The following SPAG9 variants were observed in gnomAD, a reference collection of about 807,000 sequenced individuals.
SPAG9 encodes C-Jun-amino-terminal kinase-interacting protein 4.
SPAG9 carries 35 observed loss-of-function variants against 166.5 expected under a neutral mutation model. The observed-to-expected ratio is 0.21, with a 90% CI of 0.16 to 0.28. The LOEUF (loss-of-function observed/expected upper bound fraction) is 0.28, where lower values mean the gene tolerates loss of function less well. Ranked by LOEUF, SPAG9 falls within the 10% of genes least tolerant of loss-of-function variation. The probability of loss-of-function intolerance (pLI) is 1.00; values close to 1 mark genes in which losing one functional copy is unlikely to be tolerated. For synonymous variants in SPAG9, 534 were observed against 565.5 expected (o/e 0.94, Z 0.79); for missense variants, 1,235 against 1,603.3 (o/e 0.77, Z 3.92).
intron 19 of SPAG9, among the ~76,000 whole-genome samples, chr17:50,993,562 G>A (rs1466685801): frequency 6.6e-6 from 1 of 152,024 alleles, no homozygotes; most frequent in African/African-American, 2.4e-5. Flanking sequence ...TATTCCCATT[G>A]TTTTATTTTC....
At chr17:51,086,179 T>A (rs1000201676) in intron 1 of SPAG9, among the ~76,000 whole-genome samples, 1 of 151,932 alleles carries the variant, frequency 6.6e-6, no homozygotes, top group East Asian at 1.9e-4. Flanking sequence ...AGGGTTTCAG[T>A]ATGTTGGCTG....
At chr17:51,084,906 A>T (rs1046299506) in intron 1 of SPAG9, among the ~76,000 whole-genome samples, 3 of 152,052 alleles carry the variant, frequency 2.0e-5, no homozygotes, top group African/African-American at 7.2e-5. Context: ...GCTGGAGTGC[A>T]GTGGCATGAT....
chr17:51,076,781 T>C (rs1377838448), intron 2 of SPAG9, among the ~76,000 whole-genome samples: 3 of 151,548 alleles, frequency 2.0e-5, no homozygotes, highest in Admixed American at 6.6e-5. Flanking sequence ...CCTGCAGATA[T>C]CAACAAGAAA....
At chr17:51,007,713 C>T (rs2045285736) in intron 9 of SPAG9, 2 of 360,022 alleles carry the variant, frequency 5.6e-6, no homozygotes, top group African/African-American at 4.3e-5. Flanking sequence ...TAATATGGAT[C>T]GAAATTGTTT....
intron 29 of SPAG9, 106 bp from the exon 30 acceptor site, chr17:50,966,493 C>T: frequency 1.4e-6 from 1 of 731,786 alleles, no homozygotes. Context: ...ATGCCCAAAA[C>T]TTGTCTGACT....
At position 51,120,712 on chromosome 17, in the gene SPAG9, T is replaced by G; in HGVS notation, c.-56A>C. On this transcript the variant is annotated 5_prime_UTR_variant, in exon 1 of 30. Coordinates refer to ENST00000262013, the MANE Select transcript of SPAG9 (RefSeq NM_001130528.3). This position sits in a 1 kb window ranked among gnomAD's most constrained non-coding sequence, Gnocchi z 4.7. ...GCGTCGCCGGCAGAGGGGCGGCACCTGCCCGCACGGGACGGACCCGACTCG... is the reference window on the plus strand; with the variant it reads ...GCGTCGCCGGCAGAGGGGCGGCACCGGCCCGCACGGGACGGACCCGACTCG... The G allele has an allele frequency of 6.9e-7, 1 of 1,455,830 alleles. No homozygotes were observed. The allele number at this position is 1,455,830 out of a possible 1,614,324, so 90.2% of individuals were successfully genotyped here.
Position 51,025,316 on chromosome 17 carries a change from CAAAAAAAAAAAAAAA to C in SPAG9, c.784-3966_784-3952del, listed in dbSNP as rs10549685. 4.4e-4 allele frequency among the ~76,000 whole-genome samples: 27 copies of C among 61,126 alleles called. 1 individual carries two copies. Among genetic ancestry groups the C allele is most frequent in the Middle Eastern group, 0.014 (1 of 74 alleles). The allele number at this position is 61,126 out of a possible 152,430, so 40.1% of individuals were successfully genotyped here. A position where few individuals can be genotyped will look rare whatever the true frequency, so the allele number is the denominator to read the frequency against. ...CTGGTGACAGGGTGAGACTCTGTCTCAAAAAAAAAAAAAAAAAAAAAAAAAAAAAATGCTATTTTC... is the reference window on the plus strand; with the variant it reads ...CTGGTGACAGGGTGAGACTCTGTCTCAAAAAAAAAAAAAAATGCTATTTTC... On this transcript the variant is annotated intron_variant, in intron 6 of 29. Coordinates refer to ENST00000262013, the MANE Select transcript of SPAG9 (RefSeq NM_001130528.3).
chr17:51,108,782 C>A (rs1211330417), intron 1 of SPAG9, among the ~76,000 whole-genome samples: 7 of 152,058 alleles, frequency 4.6e-5, no homozygotes, highest in African/African-American at 1.7e-4. Context: ...TAAGCATGAG[C>A]CACTGTGCCT....
intron 3 of SPAG9, among the ~76,000 whole-genome samples, chr17:51,048,060 T>C (rs573907950): frequency 1.3e-5 from 2 of 152,250 alleles, no homozygotes; most frequent in Non-Finnish European, 1.5e-5. Flanking sequence ...GTTACTGGTA[T>C]CATTACTTGG....
Position 50,989,552 on chromosome 17 carries a change from A to G in SPAG9, c.2813+125T>C, listed in dbSNP as rs1470635416. The G allele has an allele frequency of 5.1e-6, 4 of 779,202 alleles. No individual in the cohort carries two copies. The Admixed American group carries it at 8.0e-5, about 16-fold the overall frequency. 48.3% of individuals were successfully genotyped at this position (779,202 alleles called of 1,614,324 possible). On this transcript the variant is annotated intron_variant, in intron 21 of 29. Coordinates refer to ENST00000262013, the MANE Select transcript of SPAG9 (RefSeq NM_001130528.3). ...GAATACATGAAATTATCACAAGAAT[A>G]GGTATCTTTTAATCCACCACAGTGA...
intron 28 of SPAG9, among the ~76,000 whole-genome samples, chr17:50,972,517 A>C (rs1973901937): frequency 1.3e-5 from 2 of 152,372 alleles, no homozygotes; most frequent in African/African-American, 4.8e-5. Flanking sequence ...AAACCTTTAA[A>C]TATTATTCAC....
intron 1 of SPAG9, among the ~76,000 whole-genome samples, chr17:51,094,638 A>T (rs1369287108): frequency 6.6e-6 from 1 of 152,226 alleles, no homozygotes; most frequent in African/African-American, 2.4e-5. Flanking sequence ...ACTGGATTGA[A>T]ATAGCACCAT....
intron 2 of SPAG9, among the ~76,000 whole-genome samples, chr17:51,066,282 T>C (rs1182741773): frequency 1.3e-5 from 2 of 152,006 alleles, no homozygotes; most frequent in African/African-American, 4.8e-5. Context: ...AGATAATTTT[T>C]TGATTTTTTG....
intron 6 of SPAG9, 68 bp from the exon 7 acceptor site, chr17:51,021,433 T>A: frequency 1.6e-6 from 2 of 1,269,724 alleles, no homozygotes; most frequent in Non-Finnish European, 2.2e-6. Flanking sequence ...ATTAAATGGG[T>A]TGAGAAATAA....
chr17:51,019,002 C>T (rs2045819409), intron 8 of SPAG9, among the ~76,000 whole-genome samples: 1 of 152,186 alleles, frequency 6.6e-6, no homozygotes, highest in Non-Finnish European at 1.5e-5. Flanking sequence ...TAAGATGGGG[C>T]CTTCAAGAGG....
intron 21 of SPAG9, among the ~76,000 whole-genome samples, chr17:50,989,288 T>A (rs1358207115): frequency 6.6e-6 from 1 of 152,212 alleles, no homozygotes; most frequent in Non-Finnish European, 1.5e-5. Flanking sequence ...GTTTCTAGCC[T>A]AGGAGCAATG....
chr17:51,013,041 T>A (rs1041309132), intron 9 of SPAG9, among the ~76,000 whole-genome samples: 1 of 152,098 alleles, frequency 6.6e-6, no homozygotes, highest in Non-Finnish European at 1.5e-5. Flanking sequence ...TAGATAGACA[T>A]TTAGATAGAA....
intron 1 of SPAG9, among the ~76,000 whole-genome samples, chr17:51,086,243 G>A (rs2048303566): frequency 6.7e-6 from 1 of 150,222 alleles, no homozygotes; most frequent in African/African-American, 2.4e-5. Flanking sequence ...GCCTCCCAAA[G>A]CGCTGGGATT....
chr17:51,042,782 A>T (rs2046887488), intron 4 of SPAG9, among the ~76,000 whole-genome samples: 1 of 152,238 alleles, frequency 6.6e-6, no homozygotes, highest in Non-Finnish European at 1.5e-5. Flanking sequence ...GAGGTGAAGC[A>T]AAGGGGTTGA....
Sources: gnomAD v4.1 joint callset for allele counts (sites outside exome capture counted in the v4.1 genomes callset) on GRCh38, gnomAD v4.1.1 for gene constraint, Gnocchi (gnomAD v3.1) non-coding constraint, MANE v1.5 for transcripts, NCBI Gene and HGNC (gene_info 2026-07-23, HGNC 2026-07-21) for gene names.